The following PRKAG2 variants were observed in gnomAD, a reference collection of about 807,000 sequenced individuals.
PRKAG2 encodes the protein protein kinase AMP-activated non-catalytic subunit gamma 2.
PRKAG2 carries 26 observed loss-of-function variants against 69.6 expected under a neutral mutation model. The observed-to-expected ratio is 0.37, with a 90% CI of 0.27 to 0.52. The LOEUF is 0.52. PRKAG2 is among the 20% of genes least tolerant of loss of function. The pLI, the probability that PRKAG2 is intolerant of heterozygous loss-of-function variation, is 0.90. For synonymous variants in PRKAG2, 293 were observed against 285.0 expected (o/e 1.03, Z -0.28); for missense variants, 557 against 740.0 (o/e 0.75, Z 2.87).
At chr7:151,820,356 G>A (rs550433194) in intron 1 of PRKAG2, among the ~76,000 whole-genome samples, 2 of 152,318 alleles carry the variant, frequency 1.3e-5, no homozygotes, top group East Asian at 1.9e-4. Context: ...ACCCACTGCC[G>A]TGGGCTCCTT....
At chr7:151,790,068 T>C (rs1467584650) in intron 1 of PRKAG2, among the ~76,000 whole-genome samples, 1 of 152,042 alleles carries the variant, frequency 6.6e-6, no homozygotes, top group African/African-American at 2.4e-5. Flanking sequence ...CATCCACCCC[T>C]CCTGTGAACT....
intron 5 of PRKAG2, among the ~76,000 whole-genome samples, chr7:151,605,943 A>C (rs1429805081): frequency 6.6e-6 from 1 of 151,824 alleles, no homozygotes; most frequent in Non-Finnish European, 1.5e-5. Flanking sequence ...TCTCAAAAAA[A>C]AAAAAAAAAA....
At position 151,715,511 on chromosome 7, in the gene PRKAG2, G is replaced by A. The variant is rs183149958; in HGVS notation, c.467-39874C>T. 4.0e-3 allele frequency among the ~76,000 whole-genome samples: 606 copies of A among 150,182 alleles called. 4 individuals are homozygous for A. The highest frequency in any genetic ancestry group is 0.014 in the African/African-American group (585 of 40,776). On this transcript the variant is annotated intron_variant, in intron 3 of 15. Transcript: ENST00000287878. ...TGGGACTACAGGCACACACTACCAT[G>A]CCCAGCTAATTTTTTTGTATTTTTA...
At chr7:151,762,058 C>T (rs1003895277) in intron 3 of PRKAG2, among the ~76,000 whole-genome samples, 1 of 152,350 alleles carries the variant, frequency 6.6e-6, no homozygotes, top group Admixed American at 6.5e-5. Flanking sequence ...CTGAGTTAAA[C>T]CAGGTTCTGC....
intron 4 of PRKAG2, among the ~76,000 whole-genome samples, chr7:151,663,519 G>T (rs1030982163): frequency 2.0e-5 from 3 of 151,956 alleles, no homozygotes; most frequent in African/African-American, 7.3e-5. Context: ...TGCACCACCA[G>T]CCCAGCTAAT....
intron 10 of PRKAG2, among the ~76,000 whole-genome samples, chr7:151,569,078 G>GT (rs942347503): frequency 1.1e-3 from 174 of 152,094 alleles, no homozygotes; most frequent in Non-Finnish European, 1.8e-3. Flanking sequence ...TTTTTGGTTT[G>GT]TTTTTTTGAG....
chr7:151,852,935 C>T (rs2079612600), intron 1 of PRKAG2, among the ~76,000 whole-genome samples: 1 of 152,192 alleles, frequency 6.6e-6, no homozygotes, highest in Admixed American at 6.5e-5. Context: ...CTGGCAGGGC[C>T]GCAGCTCAAC....
intron 1 of PRKAG2, among the ~76,000 whole-genome samples, chr7:151,829,983 G>A (rs1714205016): frequency 1.3e-5 from 2 of 152,026 alleles, no homozygotes; most frequent in Admixed American, 1.3e-4. Flanking sequence ...GGTCATTAGT[G>A]ATGTCAGCTG....
rs1038851059 is a variant in PRKAG2 at position 151,567,255 on chromosome 7, G to A, written c.1234-1370C>T. ...GAGAAAAGCATGGGGAGTGAGGAAC[G>A]CTTGAAAGGGATCCTGGCTCTACCG... On this transcript the variant is annotated intron_variant, in intron 11 of 15. Transcript: ENST00000287878. This position sits in a 1 kb window ranked among gnomAD's most constrained non-coding sequence, Gnocchi z 4.2. 2.0e-5 allele frequency among the ~76,000 whole-genome samples: 3 copies of A among 152,284 alleles called. No homozygotes were observed. The highest frequency in any genetic ancestry group is 6.8e-3 in the Middle Eastern group (2 of 294).
intron 3 of PRKAG2, among the ~76,000 whole-genome samples, chr7:151,725,342 C>CA (rs1262139497): frequency 1.3e-5 from 2 of 151,988 alleles, no homozygotes; most frequent in African/African-American, 4.8e-5. Flanking sequence ...GTCATCAATG[C>CA]ATAGAGACAG....
intron 1 of PRKAG2, among the ~76,000 whole-genome samples, chr7:151,875,774 C>T (rs912722319): frequency 6.6e-6 from 1 of 152,128 alleles, no homozygotes; most frequent in Non-Finnish European, 1.5e-5. Context: ...GCCCCTCTGG[C>T]TGGACAAAGT....
chr7:151,600,829 A>T (rs1355588192), intron 5 of PRKAG2, among the ~76,000 whole-genome samples: 2 of 152,270 alleles, frequency 1.3e-5, no homozygotes, highest in Non-Finnish European at 2.9e-5. Flanking sequence ...CCACAAAAGA[A>T]GTGAACGTCT....
At chr7:151,707,794 T>C (rs1838877454) in intron 3 of PRKAG2, among the ~76,000 whole-genome samples, 1 of 152,042 alleles carries the variant, frequency 6.6e-6, no homozygotes, top group South Asian at 2.1e-4. Flanking sequence ...CCTACGTCAG[T>C]AGGGGGCTCA....
chr7:151,804,031 C>T lies in PRKAG2; in HGVS notation c.115-17490G>A, dbSNP rs141226829. Reference sequence around the variant, plus strand: ...AGTCATACCCTTGGCCCAGCCATGCCATGTCCCCAGAGGAACCACTTTTAG... The same window carrying T: ...AGTCATACCCTTGGCCCAGCCATGCTATGTCCCCAGAGGAACCACTTTTAG... On this transcript the variant is annotated intron_variant, in intron 1 of 15. Coordinates refer to ENST00000287878, the MANE Select transcript of PRKAG2 (RefSeq NM_016203.4). 3.0e-4 allele frequency among the ~76,000 whole-genome samples: 46 copies of T among 152,216 alleles called. No individual in the cohort carries two copies. In the East Asian group the frequency reaches 7.5e-3, roughly 25 times the overall value.
intron 1 of PRKAG2, among the ~76,000 whole-genome samples, chr7:151,846,473 A>T (rs1301467536): frequency 3.3e-5 from 5 of 152,194 alleles, no homozygotes; most frequent in African/African-American, 7.2e-5. Flanking sequence ...AAAAAAATTT[A>T]AAAATAAAAA....
At chr7:151,610,054 C>A (rs761383972) in intron 5 of PRKAG2, among the ~76,000 whole-genome samples, 1 of 152,184 alleles carries the variant, frequency 6.6e-6, no homozygotes, top group African/African-American at 2.4e-5. Flanking sequence ...TCAACATACA[C>A]AGGGACTGCT....
At chr7:151,804,256 G>A (rs968913043) in intron 1 of PRKAG2, among the ~76,000 whole-genome samples, 14 of 152,178 alleles carry the variant, frequency 9.2e-5, no homozygotes, top group African/African-American at 2.9e-4. Flanking sequence ...AGGTGACGCA[G>A]GCTGCTTTCA....
intron 1 of PRKAG2, among the ~76,000 whole-genome samples, chr7:151,821,597 C>T (rs1202904993): frequency 6.9e-6 from 1 of 145,040 alleles, no homozygotes; most frequent in Non-Finnish European, 1.6e-5. Flanking sequence ...ATAAACCACA[C>T]TGCACAAAAC....
intron 3 of PRKAG2, among the ~76,000 whole-genome samples, chr7:151,707,764 C>T (rs969791839): frequency 2.0e-5 from 3 of 152,174 alleles, no homozygotes; most frequent in African/African-American, 4.8e-5. Flanking sequence ...CAAGTTAAAC[C>T]GGCCAGCCAG....
Sources: gnomAD v4.1 joint callset for allele counts (sites outside exome capture counted in the v4.1 genomes callset) on GRCh38, gnomAD v4.1.1 for gene constraint, Gnocchi (gnomAD v3.1) non-coding constraint, MANE v1.5 for transcripts, NCBI Gene and HGNC (gene_info 2026-07-23, HGNC 2026-07-21) for gene names.